UBE2D3: variants seen among roughly 807,000 people sequenced by gnomAD.
UBE2D3 encodes ubiquitin-conjugating enzyme E2 D3.
Under a neutral mutation model 22.8 loss-of-function variants are expected in UBE2D3, and 2 were observed. That is an observed-to-expected ratio of 0.09 (90% CI 0.04 to 0.28). The LOEUF is 0.28. Ranked by LOEUF, UBE2D3 falls within the 10% of genes least tolerant of loss-of-function variation. UBE2D3 has a pLI of 1.00. For synonymous variants in UBE2D3, 56 were observed against 60.4 expected (o/e 0.93, Z 0.34); for missense variants, 27 against 182.5 (o/e 0.15, Z 4.91).
chr4:102,797,303 T>A lies in UBE2D3; in HGVS notation c.*112A>T, dbSNP rs778101515. On this transcript the variant is annotated 3_prime_UTR_variant, in exon 8 of 8. Coordinates refer to ENST00000453744, the MANE Select transcript of UBE2D3 (RefSeq NM_181891.3). The stretch of plus-strand genomic sequence containing the variant: ...GAGGGAGGTAAACAAAAAATAAAAT[T>A]AAAAAAGATGAGGTCTGATAGGGGA... The A allele has an allele frequency of 8.9e-5, 79 of 884,066 alleles. No individual in the cohort carries two copies. The highest frequency in any genetic ancestry group is 7.4e-5 in the Non-Finnish European group (43 of 583,784). 54.8% of individuals were successfully genotyped at this position (884,066 alleles called of 1,614,324 possible).
chr4:102,819,904 A>G (rs1004831474), intron 2 of UBE2D3, among the ~76,000 whole-genome samples: 3 of 152,250 alleles, frequency 2.0e-5, no homozygotes, highest in African/African-American at 7.2e-5. Flanking sequence ...TCAGAACTAA[A>G]GACAAGATTT....
At chr4:102,827,367 C>T (rs922114199) in intron 1 of UBE2D3, 60 bp downstream of exon 1, 542 of 985,614 alleles carry the variant, frequency 5.5e-4, no homozygotes, top group Non-Finnish European at 6.2e-4. Flanking sequence ...GCCCCTCTTA[C>T]CCGGCCGGCC....
chr4:102,861,852 A>G (rs955251360), intron 1 of UBE2D3, among the ~76,000 whole-genome samples: 1 of 152,018 alleles, frequency 6.6e-6, no homozygotes, highest in Non-Finnish European at 1.5e-5. Flanking sequence ...ATACACTTAC[A>G]GAATTATAGA....
At chr4:102,854,773 C>G (rs746377381) in intron 1 of UBE2D3, among the ~76,000 whole-genome samples, 1 of 152,234 alleles carries the variant, frequency 6.6e-6, no homozygotes. Flanking sequence ...CAAATCAACC[C>G]TGAGTAACAA....
intron 1 of UBE2D3, among the ~76,000 whole-genome samples, chr4:102,864,909 C>T (rs1164734523): frequency 6.6e-6 from 1 of 152,154 alleles, no homozygotes; most frequent in Non-Finnish European, 1.5e-5. Context: ...ACATTACAAA[C>T]CACAAAAACA....
At chr4:102,811,787 CG>C (rs1728081881) in intron 2 of UBE2D3, 1 of 447,818 alleles carries the variant, frequency 2.2e-6, no homozygotes, top group Non-Finnish European at 4.5e-6. Flanking sequence ...GAAGCAGAGG[CG>C]AGAGGACAGC....
chr4:102,833,434 G>C (rs223379), intron 1 of UBE2D3, among the ~76,000 whole-genome samples: 87,384 of 152,038 alleles, frequency 0.57, 26,408 homozygotes, highest in African/African-American at 0.78. Flanking sequence ...AAATAAAACA[G>C]AGGTTCTAAA....
intron 1 of UBE2D3, among the ~76,000 whole-genome samples, chr4:102,849,042 A>G (rs1260150037): frequency 6.6e-6 from 1 of 151,784 alleles, no homozygotes; most frequent in Non-Finnish European, 1.5e-5. Flanking sequence ...ATATCTTTAG[A>G]GTCTTAAGAA....
rs1048970024 is a variant in UBE2D3 at position 102,795,344 on chromosome 4, T to C, written c.*2071A>G. ...CATGTTTGGCTTTCAAGAAGTGATA[T>C]GCCTACTAAAGCTGTTATTTTGAGA... is the stretch of plus-strand genomic sequence containing the variant. On this transcript the variant is annotated 3_prime_UTR_variant, in exon 8 of 8. Transcript: ENST00000453744. The C allele has an allele frequency of 5.9e-5, 9 of 152,116 alleles. No homozygotes were observed. The highest frequency in any genetic ancestry group is 1.9e-4 in the African/African-American group (8 of 41,444). 9.4% of individuals were successfully genotyped at this position (152,116 alleles called of 1,614,324 possible).
intron 4 of UBE2D3, among the ~76,000 whole-genome samples, chr4:102,805,296 T>A (rs185516627): frequency 1.3e-5 from 2 of 152,254 alleles, no homozygotes; most frequent in East Asian, 3.9e-4. Flanking sequence ...CTATTATGAA[T>A]CAGCAGCAAA....
rs1334492267 is a variant in UBE2D3 at position 102,795,532 on chromosome 4, T to C, written c.*1883A>G. Reference sequence around the variant, plus strand: ...GAGCCGTTTTAAGCAAAACACAAAATGAAAAAATTCACTCATTGGAAAAAC... The same window carrying C: ...GAGCCGTTTTAAGCAAAACACAAAACGAAAAAATTCACTCATTGGAAAAAC... On this transcript the variant is annotated 3_prime_UTR_variant, in exon 8 of 8. Transcript: ENST00000453744. 6.6e-6 allele frequency: 1 copy of C among 151,988 alleles called. No homozygotes were observed. Among genetic ancestry groups the C allele is most frequent in the Non-Finnish European group, 1.5e-5 (1 of 67,910 alleles). The allele number at this position is 151,988 out of a possible 1,614,324, so 9.4% of individuals were successfully genotyped here.
chr4:102,814,934 G>C (rs1255178390), intron 2 of UBE2D3, among the ~76,000 whole-genome samples: 1 of 152,012 alleles, frequency 6.6e-6, no homozygotes, highest in African/African-American at 2.4e-5. Context: ...AGTTTAAAAA[G>C]CTGACAACAC....
intron 2 of UBE2D3, chr4:102,810,233 A>G (rs953560492): frequency 5.9e-6 from 1 of 168,626 alleles, no homozygotes; most frequent in African/African-American, 2.4e-5. Context: ...CAACTGTCTT[A>G]AATTCTTTGT....
intron 4 of UBE2D3, among the ~76,000 whole-genome samples, chr4:102,805,999 C>A (rs186083649): frequency 1.6e-3 from 246 of 152,330 alleles, no homozygotes; most frequent in Non-Finnish European, 2.6e-3. Flanking sequence ...TGCCCACTGT[C>A]ACTACCATCT....
intron 2 of UBE2D3, among the ~76,000 whole-genome samples, chr4:102,816,174 T>C (rs1412288429): frequency 6.6e-6 from 1 of 152,218 alleles, no homozygotes; most frequent in Non-Finnish European, 1.5e-5. Context: ...CATGTGACTG[T>C]AGTCCTGGGT....
At chr4:102,808,025 A>G (rs1727342407) in intron 4 of UBE2D3, among the ~76,000 whole-genome samples, 1 of 152,242 alleles carries the variant, frequency 6.6e-6, no homozygotes, top group Non-Finnish European at 1.5e-5. Context: ...TACCCTCTGA[A>G]TCAAAGATGA....
chr4:102,840,982 T>A (rs921911449), intron 1 of UBE2D3, among the ~76,000 whole-genome samples: 1 of 151,158 alleles, frequency 6.6e-6, no homozygotes, highest in African/African-American at 2.4e-5. Flanking sequence ...ATCATGCCAC[T>A]GCACTCCAGT....
intron 2 of UBE2D3, chr4:102,811,852 C>A: frequency 7.5e-6 from 3 of 399,328 alleles, no homozygotes; most frequent in African/African-American, 4.3e-5. Flanking sequence ...CCCCATTCTC[C>A]ATAAAAAGAA....
intron 2 of UBE2D3, chr4:102,813,085 A>C (rs960877976): frequency 1.3e-5 from 2 of 152,352 alleles, no homozygotes; most frequent in Middle Eastern, 3.4e-3. Flanking sequence ...AAGATGATCA[A>C]CACAAAGTTT....
Sources: gnomAD v4.1 joint callset for allele counts (sites outside exome capture counted in the v4.1 genomes callset) on GRCh38, gnomAD v4.1.1 for gene constraint, MANE v1.5 for transcripts, NCBI Gene and HGNC (gene_info 2026-07-23, HGNC 2026-07-21) for gene names.